Variants in SH3RF1 observed in about 807,000 individuals in gnomAD.
The protein encoded by SH3RF1 is SH3 domain containing ring finger 1.
A neutral mutation model predicts 74.0 loss-of-function variants in SH3RF1; 32 were observed. The observed-to-expected ratio is 0.43, with a 90% CI of 0.33 to 0.58. The LOEUF is 0.58. Among genes scored for constraint, SH3RF1 ranks in the 20% least tolerant of loss-of-function variants. The pLI is 0.05. For synonymous variants in SH3RF1, 396 were observed against 439.6 expected (o/e 0.90, Z 1.24); for missense variants, 954 against 1,130.9 (o/e 0.84, Z 2.24).
At chr4:169,157,906 C>G (rs1349250049) in intron 2 of SH3RF1, among the ~76,000 whole-genome samples, 1 of 134,536 alleles carries the variant, frequency 7.4e-6, no homozygotes, top group African/African-American at 3.1e-5. Context: ...ATGTCTGGCT[C>G]ATTTTTGTAT....
chr4:169,150,455 T>C lies in SH3RF1; in HGVS notation c.765+5025A>G, dbSNP rs1369718974. 3.9e-5 allele frequency among the ~76,000 whole-genome samples: 6 copies of C among 152,184 alleles called. No individual in the cohort carries two copies. The East Asian group carries it at 1.2e-3, about 29-fold the overall frequency. ...AATGGCTAAATTGAGCTAATTAACA[T>C]ACGTATTACCTCAGATAGGTATCAT... On this transcript the variant is annotated intron_variant, in intron 4 of 11. Coordinates refer to ENST00000284637, the MANE Select transcript of SH3RF1 (RefSeq NM_020870.4).
chr4:169,228,488 T>C (rs1403864534), intron 2 of SH3RF1, among the ~76,000 whole-genome samples: 1 of 152,200 alleles, frequency 6.6e-6, no homozygotes, highest in Non-Finnish European at 1.5e-5. Context: ...TTCCTCCATC[T>C]TCAACAGGAG....
At chr4:169,236,001 C>A (rs749310752) in intron 2 of SH3RF1, among the ~76,000 whole-genome samples, 1 of 152,198 alleles carries the variant, frequency 6.6e-6, no homozygotes, top group African/African-American at 2.4e-5. Flanking sequence ...CTTTCAGTGA[C>A]ATTTCCTCTG....
intron 2 of SH3RF1, among the ~76,000 whole-genome samples, chr4:169,187,985 T>C (rs1734637160): frequency 6.6e-6 from 1 of 151,900 alleles, no homozygotes; most frequent in South Asian, 2.1e-4. Flanking sequence ...TGAAGAAGGC[T>C]GGGTGGTGAG....
At chr4:169,160,116 C>T (rs1045611793) in intron 2 of SH3RF1, among the ~76,000 whole-genome samples, 2 of 152,106 alleles carry the variant, frequency 1.3e-5, no homozygotes, top group Non-Finnish European at 2.9e-5. Flanking sequence ...GTTTTTTTCC[C>T]TACCTCAATT....
chr4:169,260,283 C>G (rs984413939), intron 2 of SH3RF1, among the ~76,000 whole-genome samples: 1 of 152,154 alleles, frequency 6.6e-6, no homozygotes, highest in African/African-American at 2.4e-5. Context: ...AAAACAAAAA[C>G]AAAGCATTTT....
At chr4:169,226,997 T>A (rs1180812274) in intron 2 of SH3RF1, among the ~76,000 whole-genome samples, 2 of 151,934 alleles carry the variant, frequency 1.3e-5, no homozygotes, top group African/African-American at 2.4e-5. Context: ...CAAGACCCCA[T>A]CTCTATAAAA....
At chr4:169,109,457 A>G (rs1300187675) in intron 10 of SH3RF1, among the ~76,000 whole-genome samples, 1 of 152,186 alleles carries the variant, frequency 6.6e-6, no homozygotes, top group Non-Finnish European at 1.5e-5. Context: ...GATGCTGACT[A>G]CCCACAGAAC....
In SH3RF1 at chr4:169,096,601, C is replaced by T. The variant is rs754020186; in HGVS notation, c.2585G>A (p.Arg862Gln). ...TGTGCCTTTGAACCAGCCATCCTCT[C>T]GTTTTTTATGAACAAACACAATATC... ...EGDIVFVHKK[R>Q]EDGWFKGTLQ... Residue 862 changes from arginine (R) to glutamine (Q), a missense_variant, in exon 12 of 12, where the codon CGA becomes CAA. This residue lies in a region of SH3RF1 where 36 missense variants were observed against 66.5 expected (regional missense o/e 0.54). Coordinates refer to ENST00000284637, the MANE Select transcript of SH3RF1 (RefSeq NM_020870.4). 2.5e-6 allele frequency: 4 copies of T among 1,614,134 alleles called. No individual in the cohort carries two copies. Among genetic ancestry groups the T allele is most frequent in the Non-Finnish European group, 3.4e-6 (4 of 1,180,020 alleles).
intron 2 of SH3RF1, among the ~76,000 whole-genome samples, chr4:169,229,178 G>C (rs892595058): frequency 6.6e-6 from 1 of 152,168 alleles, no homozygotes; most frequent in Non-Finnish European, 1.5e-5. Flanking sequence ...CTGGAGTGCA[G>C]TGGCTTGTGG....
intron 2 of SH3RF1, among the ~76,000 whole-genome samples, chr4:169,237,068 C>G (rs1292505999): frequency 3.3e-5 from 5 of 152,322 alleles, no homozygotes; most frequent in Admixed American, 3.3e-4. Context: ...TGCCAGCCAA[C>G]TAGAAAGAGA....
At chr4:169,155,951 G>T (rs182340912) in intron 3 of SH3RF1, among the ~76,000 whole-genome samples, 6 of 152,042 alleles carry the variant, frequency 3.9e-5, no homozygotes, top group Non-Finnish European at 8.8e-5. Flanking sequence ...ACATCCTACC[G>T]CTTTTCTCCA....
At chr4:169,123,267 T>C (rs1027153504) in intron 6 of SH3RF1, among the ~76,000 whole-genome samples, 3 of 152,232 alleles carry the variant, frequency 2.0e-5, no homozygotes, top group Non-Finnish European at 2.9e-5. Context: ...AATTTGAATT[T>C]CATCACCATT....
chr4:169,182,009 G>A (rs1734520136), intron 2 of SH3RF1, among the ~76,000 whole-genome samples: 1 of 152,078 alleles, frequency 6.6e-6, no homozygotes, highest in African/African-American at 2.4e-5. Flanking sequence ...ATTTACTGCT[G>A]TATCTTCAGG....
At chr4:169,218,495 GTATATA>G (rs1037549022) in intron 2 of SH3RF1, among the ~76,000 whole-genome samples, 2 of 143,626 alleles carry the variant, frequency 1.4e-5, no homozygotes, top group Non-Finnish European at 3.0e-5. Flanking sequence ...TTTATATATA[GTATATA>G]TATATTTGCC....
At chr4:169,175,325 A>G (rs565254695) in intron 2 of SH3RF1, among the ~76,000 whole-genome samples, 3 of 152,100 alleles carry the variant, frequency 2.0e-5, no homozygotes, top group Non-Finnish European at 4.4e-5. Context: ...CACTTGAAAT[A>G]CAAACTCCTT....
intron 5 of SH3RF1, among the ~76,000 whole-genome samples, chr4:169,132,928 C>A (rs1733642534): frequency 6.6e-6 from 1 of 152,166 alleles, no homozygotes; most frequent in Admixed American, 6.5e-5. Flanking sequence ...TGGCGACCCA[C>A]CTGGAAAGCA....
intron 2 of SH3RF1, among the ~76,000 whole-genome samples, chr4:169,163,686 TTGTC>T (rs1734188381): frequency 6.6e-6 from 1 of 152,152 alleles, no homozygotes; most frequent in African/African-American, 2.4e-5. Flanking sequence ...TCCATTTGGA[TTGTC>T]TGTTCCACCT....
intron 2 of SH3RF1, among the ~76,000 whole-genome samples, chr4:169,218,391 TATAGA>T (rs933410283): frequency 7.3e-6 from 1 of 136,182 alleles, no homozygotes; most frequent in Admixed American, 7.4e-5. Context: ...ATATATATAT[TATAGA>T]ATATAGAATA....
Sources: allele counts gnomAD v4.1 joint callset (sites outside exome capture counted in the v4.1 genomes callset), GRCh38; gene constraint gnomAD v4.1.1; regional missense constraint gnomAD v4.1.1; transcripts MANE v1.5; gene names NCBI Gene and HGNC (gene_info 2026-07-23, HGNC 2026-07-21).